Variants in RNF19A observed in about 807,000 individuals in gnomAD.
RNF19A encodes E3 ubiquitin-protein ligase RNF19A.
Under a neutral mutation model 75.7 loss-of-function variants are expected in RNF19A, and 32 were observed. The ratio of observed to expected loss-of-function variants is 0.42; its 90% CI spans 0.32 to 0.57. The LOEUF is 0.57. Among genes scored for constraint, RNF19A ranks in the 20% least tolerant of loss-of-function variants. The pLI is 0.10. For synonymous variants in RNF19A, 335 were observed against 345.2 expected, an observed-to-expected ratio of 0.97 and a Z score of 0.33; for missense variants, 782 against 1,036.3, an observed-to-expected ratio of 0.75 and a Z score of 3.37.
intron 1 of RNF19A, among the ~76,000 whole-genome samples, chr8:100,294,364 CA>C (rs1048581164): frequency 6.6e-6 from 1 of 152,128 alleles, no homozygotes; most frequent in African/African-American, 2.4e-5. Context: ...AATCAAACAC[CA>C]AATTCTGTCA....
At chr8:100,299,898 T>G (rs188629875) in intron 1 of RNF19A, among the ~76,000 whole-genome samples, 1 of 152,200 alleles carries the variant, frequency 6.6e-6, no homozygotes, top group Non-Finnish European at 1.5e-5. Flanking sequence ...AGCTCATTTG[T>G]CTCTTTCTCC....
chr8:100,332,975 TA>T lies in RNF19A; in HGVS notation c.-243+3132del. Among the ~76,000 whole-genome samples the T allele has an allele frequency of 6.6e-6, 1 of 152,354 alleles. No homozygotes were observed. The highest frequency in any genetic ancestry group is 2.1e-4 in the South Asian group (1 of 4,832). On this transcript the variant is annotated intron_variant, in intron 1 of 3. Transcript: ENST00000519527. The surrounding 1 kb of genome is among the most constrained non-coding windows in gnomAD (Gnocchi z 4.8). ...TATGGGTTCTCTTTTTGCTTTGTCTTATTTACATTTGCCAAGAACATGACAA... is the reference window on the plus strand; with the variant it reads ...TATGGGTTCTCTTTTTGCTTTGTCTTTTTACATTTGCCAAGAACATGACAA...
In RNF19A at chr8:100,264,862, AC is replaced by A. The variant is rs1819897827; in HGVS notation, c.1192-78del. On this transcript the variant is annotated intron_variant, in intron 5 of 9. Coordinates refer to ENST00000341084, the MANE Select transcript of RNF19A (RefSeq NM_183419.4). The surrounding 1 kb of genome is among the most constrained non-coding windows in gnomAD (Gnocchi z 4.7). ...TTTAACTTAGTTGAAAAAGATCTAT[AC>A]TTGCTAAAGTGATTTTTCATAGAAG... 7 of 1,107,624 alleles carry A rather than the reference AC, an allele frequency of 6.3e-6. No individual in the cohort carries two copies. In the South Asian group the frequency reaches 9.3e-5, roughly 15 times the overall value. 68.6% of individuals were successfully genotyped at this position (1,107,624 alleles called of 1,614,324 possible). A position where few individuals can be genotyped will look rare whatever the true frequency, so the allele number is the denominator to read the frequency against.
At chr8:100,293,891 T>C (rs1470422090) in intron 1 of RNF19A, among the ~76,000 whole-genome samples, 1 of 152,222 alleles carries the variant, frequency 6.6e-6, no homozygotes, top group Non-Finnish European at 1.5e-5. Context: ...GTTAAATCCA[T>C]CCAGTGAAAT....
intron 1 of RNF19A, among the ~76,000 whole-genome samples, chr8:100,335,219 T>A (rs1822663821): frequency 6.6e-6 from 1 of 152,220 alleles, no homozygotes; most frequent in East Asian, 1.9e-4. Context: ...ACAGCAATAA[T>A]ACTAATAGTT....
chr8:100,318,477 A>G (rs1822415924), intron 1 of RNF19A, among the ~76,000 whole-genome samples: 1 of 152,234 alleles, frequency 6.6e-6, no homozygotes, highest in Admixed American at 6.5e-5. Flanking sequence ...AATGTGTATG[A>G]ATACATGCAC....
rs1465337506 is a variant in RNF19A, at chr8:100,325,892, C to A, written c.-243+10216G>T. 6.6e-6 allele frequency among the ~76,000 whole-genome samples: 1 copy of A among 152,168 alleles called. No individual in the cohort carries two copies. The highest frequency in any genetic ancestry group is 2.4e-5 in the African/African-American group (1 of 41,422). On this transcript the variant is annotated intron_variant, in intron 1 of 3. Coordinates refer to the RNF19A transcript ENST00000519527. The surrounding 1 kb of genome is among the most constrained non-coding windows in gnomAD (Gnocchi z 4.3). ...CTCTTTTTAAAATTTATTTAATTAACAAACTGAGCTACTAGAGAAAACATA... is the reference window on the plus strand; with the variant it reads ...CTCTTTTTAAAATTTATTTAATTAAAAAACTGAGCTACTAGAGAAAACATA...
chr8:100,275,263 T>A lies in RNF19A; in HGVS notation c.675-102A>T. 1 of 961,542 alleles carries A rather than the reference T, an allele frequency of 1.0e-6. No homozygotes were observed. The highest frequency in any genetic ancestry group is 1.6e-5 in the South Asian group (1 of 63,770). The allele number at this position is 961,542 out of a possible 1,614,324, so 59.6% of individuals were successfully genotyped here. ...GATTATTCCTGAAAAACATTTTCTA[T>A]TTATACATTAGCAAACAGTCATAAG... is the stretch of plus-strand genomic sequence containing the variant. On this transcript the variant is annotated intron_variant, in intron 2 of 9. Transcript: ENST00000341084. This position sits in a 1 kb window ranked among gnomAD's most constrained non-coding sequence, Gnocchi z 4.3.
Position 100,331,620 on chromosome 8 carries a change from G to C in RNF19A, c.-243+4488C>G, listed in dbSNP as rs1400119322. Among the ~76,000 whole-genome samples, 1 of 152,162 alleles carries C rather than the reference G, an allele frequency of 6.6e-6. No individual in the cohort carries two copies. Among genetic ancestry groups the C allele is most frequent in the Non-Finnish European group, 1.5e-5 (1 of 68,036 alleles). On this transcript the variant is annotated intron_variant, in intron 1 of 3. Coordinates refer to the RNF19A transcript ENST00000519527. This position sits in a 1 kb window ranked among gnomAD's most constrained non-coding sequence, Gnocchi z 5.2. ...CCACTGCACTCCAGCCTGGGTAACA[G>C]AGAGAGACAAACAAACAAAACAAAA... is the stretch of plus-strand genomic sequence containing the variant.
Position 100,258,965 on chromosome 8 carries a change from G to A in RNF19A, c.2108C>T (p.Thr703Met), listed in dbSNP as rs370841438. Residue 703 changes from threonine (T) to methionine (M), a missense_variant, in exon 10 of 10, where the codon ACG (threonine) becomes ATG (methionine). Thr to Met is a moderately conservative substitution (Grantham distance 81, BLOSUM62 -1). Coordinates refer to ENST00000341084, the MANE Select transcript of RNF19A (RefSeq NM_183419.4). This position sits in a 1 kb window ranked among gnomAD's most constrained non-coding sequence, Gnocchi z 4.3. ...TGGAGCCTCAAATTCACTTGAGTTCGTGCTTTGTTGTTCTAACAACTGTGC... is the reference window on the plus strand; with the variant it reads ...TGGAGCCTCAAATTCACTTGAGTTCATGCTTTGTTGTTCTAACAACTGTGC... Reference protein sequence around the residue: ...MDAQLLEQQSTNSSEFEAPSL... With the variant: ...MDAQLLEQQSMNSSEFEAPSL... 9 of 1,614,194 alleles carry A rather than the reference G, an allele frequency of 5.6e-6. No homozygotes were observed. The highest frequency in any genetic ancestry group is 2.2e-5 in the South Asian group (2 of 91,078).
chr8:100,309,349 G>C (rs1051354749), intron 1 of RNF19A: 8 of 985,772 alleles, frequency 8.1e-6, no homozygotes, highest in Non-Finnish European at 9.6e-6. Flanking sequence ...CACGGCTTGC[G>C]GGGCGATGTC....
At chr8:100,303,982 C>A (rs1057202095) in intron 1 of RNF19A, among the ~76,000 whole-genome samples, 1 of 151,956 alleles carries the variant, frequency 6.6e-6, no homozygotes, top group Non-Finnish European at 1.5e-5. Context: ...TTTTGAGACA[C>A]AGATTTGCTT....
chr8:100,290,452 C>T (rs980881909), intron 1 of RNF19A, among the ~76,000 whole-genome samples: 1 of 152,178 alleles, frequency 6.6e-6, no homozygotes, highest in African/African-American at 2.4e-5. Context: ...GGTATGTTCA[C>T]TTTGTGATAC....
At position 100,275,586 on chromosome 8, in the gene RNF19A, T is replaced by C. The variant is rs1820468935; in HGVS notation, c.675-425A>G. Among the ~76,000 whole-genome samples the C allele has an allele frequency of 6.6e-6, 1 of 152,114 alleles. No homozygotes were observed. Among genetic ancestry groups the C allele is most frequent in the African/African-American group, 2.4e-5 (1 of 41,400 alleles). ...CTTTTAAGTAGGATACCAAATTGCA[T>C]TTAGCCTAATCTCAATTTTATAAAA... is the stretch of plus-strand genomic sequence containing the variant. On this transcript the variant is annotated intron_variant, in intron 2 of 9. Transcript: ENST00000341084. This position sits in a 1 kb window ranked among gnomAD's most constrained non-coding sequence, Gnocchi z 4.3.
At chr8:100,270,058 TAA>T in intron 3 of RNF19A, 45 bp from the exon 4 acceptor site, 1 of 1,429,126 alleles carries the variant, frequency 7.0e-7, no homozygotes. Context: ...AAAACTGGTC[TAA>T]AAATAACTTC....
At chr8:100,283,581 A>G (rs1175906354) in intron 2 of RNF19A, among the ~76,000 whole-genome samples, 2 of 152,214 alleles carry the variant, frequency 1.3e-5, no homozygotes, top group Non-Finnish European at 2.9e-5. Flanking sequence ...AGTGGAAAGA[A>G]TATTAGGTCA....
chr8:100,276,557 G>C (rs1158028969), intron 2 of RNF19A, among the ~76,000 whole-genome samples: 3 of 151,810 alleles, frequency 2.0e-5, no homozygotes, highest in Non-Finnish European at 4.4e-5. Flanking sequence ...TTCAAGACCA[G>C]CCTGGTCAAC....
At chr8:100,286,551 A>G (rs1398465381) in intron 2 of RNF19A, among the ~76,000 whole-genome samples, 1 of 152,210 alleles carries the variant, frequency 6.6e-6, no homozygotes, top group African/African-American at 2.4e-5. Context: ...TTTCTCATTT[A>G]AAATTATGGA....
chr8:100,290,513 T>A (rs928898486), intron 1 of RNF19A, among the ~76,000 whole-genome samples: 1 of 152,210 alleles, frequency 6.6e-6, no homozygotes, highest in African/African-American at 2.4e-5. Flanking sequence ...ATGTGTTTTT[T>A]TCCTCCTATG....
Sources: gnomAD v4.1 joint callset for allele counts (sites outside exome capture counted in the v4.1 genomes callset) on GRCh38, gnomAD v4.1.1 for gene constraint, Gnocchi (gnomAD v3.1) non-coding constraint, MANE v1.5 for transcripts, NCBI Gene and HGNC (gene_info 2026-07-23, HGNC 2026-07-21) for gene names.